The following MPRIP variants were observed in gnomAD, a reference collection of about 807,000 sequenced individuals.
The protein encoded by MPRIP is myosin phosphatase Rho-interacting protein.
MPRIP carries 59 observed loss-of-function variants against 234.9 expected under a neutral mutation model. That is an observed-to-expected ratio of 0.25 (90% CI 0.20 to 0.31). The LOEUF (loss-of-function observed/expected upper bound fraction) is 0.31, where lower values mean the gene tolerates loss of function less well. Among genes scored for constraint, MPRIP ranks in the 10% least tolerant of loss-of-function variants. MPRIP has a pLI of 1.00. For synonymous variants in MPRIP, 1,144 were observed against 1,263.9 expected (o/e 0.91, Z 2.01); for missense variants, 2,436 against 3,071.0 (o/e 0.79, Z 4.89).
At chr17:17,050,314 C>CAAAAA (rs66950979) in intron 1 of MPRIP, among the ~76,000 whole-genome samples, 1 of 92,266 alleles carries the variant, frequency 1.1e-5, no homozygotes, top group South Asian at 3.9e-4. Flanking sequence ...GACTCCGTCT[C>CAAAAA]AAAAAAAAAA....
intron 4 of MPRIP, among the ~76,000 whole-genome samples, chr17:17,127,090 C>T (rs546994997): frequency 7.9e-5 from 12 of 152,314 alleles, no homozygotes; most frequent in African/African-American, 2.2e-4. Context: ...TTACCCTCCT[C>T]GGGCCTCCCC....
chr17:17,179,230 C>T (rs1487441843), intron 22 of MPRIP, among the ~76,000 whole-genome samples: 1 of 151,990 alleles, frequency 6.6e-6, no homozygotes, highest in Non-Finnish European at 1.5e-5. Context: ...GGGTGGATCA[C>T]GAGGTCAGGA....
Position 17,165,135 on chromosome 17 carries a change from G to T in MPRIP, c.3544G>T (p.Glu1182Ter). The T allele has an allele frequency of 2.3e-6, 3 of 1,304,260 alleles. No homozygotes were observed. Among genetic ancestry groups the T allele is most frequent in the Non-Finnish European group, 3.0e-6 (3 of 988,982 alleles). 80.8% of individuals were successfully genotyped at this position (1,304,260 alleles called of 1,614,324 possible). ...TAAGGAAGCACATGAGAAGGTTCTG[G>T]AGAAGAAGGAGCAGGACCTCAATGA... The part of the protein sequence containing the change: ...RIKEAHEKVL[E>*]KKEQDLNEAL... Residue 1182 changes from glutamate to a stop codon, truncating the protein, a stop_gained, in exon 16 of 24, where the codon GAG (glutamate) becomes TAG (stop). Transcript: ENST00000651222. LOFTEE classifies it high-confidence loss of function.
chr17:17,067,647 A>T (rs541029827), intron 1 of MPRIP, among the ~76,000 whole-genome samples: 1 of 152,236 alleles, frequency 6.6e-6, no homozygotes, highest in African/African-American at 2.4e-5. Flanking sequence ...CTGTGTATTA[A>T]TGAGGAATAT....
At position 17,138,172 on chromosome 17, in the gene MPRIP, C is replaced by A; in HGVS notation, c.993C>A (p.Leu331=). Residue 331 remains leucine (L), a synonymous_variant, in exon 7 of 24, where the codon CTC becomes CTA. Coordinates refer to ENST00000651222, the MANE Select transcript of MPRIP (RefSeq NM_001364716.4). This position sits in a 1 kb window ranked among gnomAD's most constrained non-coding sequence, Gnocchi z 5.8. ...ACCAAATGGTCTGCAGCATCTCCCT[C>A]AGCTCCCTGGATGTGGCCAGCCAGC... The part of the protein sequence containing the change: ...LPHQMVCSIS[L]SSLDVASQPP... 1 of 1,162,030 alleles carries A rather than the reference C, an allele frequency of 8.6e-7. No homozygotes were observed. The highest frequency in any genetic ancestry group is 1.2e-6 in the Non-Finnish European group (1 of 830,434). 72.0% of individuals were successfully genotyped at this position (1,162,030 alleles called of 1,614,324 possible).
intron 21 of MPRIP, among the ~76,000 whole-genome samples, chr17:17,176,890 G>T (rs2046266019): frequency 1.3e-5 from 2 of 152,194 alleles, no homozygotes; most frequent in South Asian, 4.1e-4. Flanking sequence ...ATCATTGGTG[G>T]TCACTCAGTC....
At chr17:17,088,761 T>G (rs2089648650) in intron 3 of MPRIP, among the ~76,000 whole-genome samples, 1 of 152,192 alleles carries the variant, frequency 6.6e-6, no homozygotes, top group African/African-American at 2.4e-5. Flanking sequence ...GATGAGCTGA[T>G]CCACGTAGGG....
At chr17:17,055,608 C>A (rs2088669727) in intron 1 of MPRIP, among the ~76,000 whole-genome samples, 1 of 152,196 alleles carries the variant, frequency 6.6e-6, no homozygotes, top group Non-Finnish European at 1.5e-5. Flanking sequence ...GGAGGAGTCT[C>A]TTCTTTTGAG....
At chr17:17,107,599 G>C (rs188874976) in intron 3 of MPRIP, among the ~76,000 whole-genome samples, 89 of 152,332 alleles carry the variant, frequency 5.8e-4, no homozygotes, top group Non-Finnish European at 1.2e-3. Flanking sequence ...CTGTGGCCTG[G>C]CCTGTATTCA....
intron 3 of MPRIP, among the ~76,000 whole-genome samples, chr17:17,079,635 A>T (rs1181138767): frequency 6.6e-6 from 1 of 152,226 alleles, no homozygotes; most frequent in Non-Finnish European, 1.5e-5. Flanking sequence ...TCAAGAGGTC[A>T]CTGGATTACA....
intron 3 of MPRIP, among the ~76,000 whole-genome samples, chr17:17,115,542 CTGTTT>C (rs1056365942): frequency 1.3e-5 from 2 of 152,206 alleles, no homozygotes; most frequent in African/African-American, 4.8e-5. Context: ...GTGCAGTGTT[CTGTTT>C]TGTTTTGTTT....
At chr17:17,168,372 A>AG (rs550804011) in intron 16 of MPRIP, 37 of 235,596 alleles carry the variant, frequency 1.6e-4, no homozygotes, top group African/African-American at 8.4e-4. Flanking sequence ...GCCCAGTTGG[A>AG]GGGCAGTCTC....
intron 1 of MPRIP, among the ~76,000 whole-genome samples, chr17:17,073,818 G>A (rs2089261297): frequency 6.6e-6 from 1 of 152,186 alleles, no homozygotes; most frequent in South Asian, 2.1e-4. Context: ...CTTTGCTTCT[G>A]CCTTCCCAGG....
At chr17:17,184,801 C>T in intron 23 of MPRIP, 22 bp from the exon 24 acceptor site, 1 of 1,600,602 alleles carries the variant, frequency 6.2e-7, no homozygotes, top group Non-Finnish European at 8.6e-7. Flanking sequence ...TTATTTTCTC[C>T]TCCTGCTCTG....
At chr17:17,173,744 T>C in intron 18 of MPRIP, 172 bp from the exon 19 acceptor site, 1 of 759,320 alleles carries the variant, frequency 1.3e-6, no homozygotes, top group South Asian at 1.5e-5. Flanking sequence ...GGGAGGGGCG[T>C]GAGGCCATCT....
intron 3 of MPRIP, 116 bp from the exon 4 acceptor site, chr17:17,126,586 G>T: frequency 8.3e-7 from 1 of 1,199,712 alleles, no homozygotes. Context: ...GCTGGAGTGA[G>T]GGAGAGCACT....
chr17:17,167,167 A>G lies in MPRIP; in HGVS notation c.5576A>G (p.Tyr1859Cys), dbSNP rs1452398933. 1.5e-6 allele frequency: 2 copies of G among 1,303,964 alleles called. No homozygotes were observed. Among genetic ancestry groups the G allele is most frequent in the Non-Finnish European group, 2.0e-6 (2 of 988,930 alleles). 80.8% of individuals were successfully genotyped at this position (1,303,964 alleles called of 1,614,324 possible). ...GCGTCCTGCAGAATCCGGCTAGAATATGAGAAGGAGCTCCAGCTCTGCAAG... is the reference window on the plus strand; with the variant it reads ...GCGTCCTGCAGAATCCGGCTAGAATGTGAGAAGGAGCTCCAGCTCTGCAAG... ...CYASCRIRLE[Y>C]EKELQLCKES... The change falls in exon 16 of 24, where the codon TAT (tyrosine) becomes TGT (cysteine). Residue 1859 changes from tyrosine to cysteine, a missense_variant. Tyr to Cys is a radical substitution (Grantham distance 194). Transcript: ENST00000651222. This position sits in a 1 kb window ranked among gnomAD's most constrained non-coding sequence, Gnocchi z 5.9.
chr17:17,096,891 GC>G, intron 3 of MPRIP: 3 of 444,236 alleles, frequency 6.8e-6, no homozygotes, highest in East Asian at 7.2e-5. Context: ...ATATGAAAAA[GC>G]ATCCTTGTCT....
chr17:17,060,645 TA>T (rs1255951124), intron 1 of MPRIP, among the ~76,000 whole-genome samples: 1 of 152,222 alleles, frequency 6.6e-6, no homozygotes, highest in Non-Finnish European at 1.5e-5. Context: ...CGTGCTCCCA[TA>T]GCTGGGATGT....
Sources: gnomAD v4.1 joint callset for allele counts (sites outside exome capture counted in the v4.1 genomes callset) on GRCh38, gnomAD v4.1.1 for gene constraint, Gnocchi (gnomAD v3.1) non-coding constraint, MANE v1.5 for transcripts, NCBI Gene and HGNC (gene_info 2026-07-23, HGNC 2026-07-21) for gene names.